MUC15: variants seen among roughly 807,000 people sequenced by gnomAD.
The protein encoded by MUC15 is mucin 15, cell surface associated.
A neutral mutation model predicts 24.0 loss-of-function variants in MUC15; 23 were observed. The ratio of observed to expected loss-of-function variants is 0.96; its 90% CI spans 0.69 to 1.36. The LOEUF (loss-of-function observed/expected upper bound fraction) is 1.36, where lower values mean the gene tolerates loss of function less well. Ranked by LOEUF, MUC15 falls within the 40% of genes most tolerant of loss-of-function variation. MUC15 has a pLI of 0.00. For missense variants in MUC15, 442 were observed against 428.2 expected, an observed-to-expected ratio of 1.03 and a Z score of -0.29; for synonymous variants, 151 against 156.3, an observed-to-expected ratio of 0.97 and a Z score of 0.25.
chr11:26,559,630 A>G lies in MUC15; in HGVS notation c.*1435T>C. The G allele has an allele frequency of 1.1e-6, 1 of 891,522 alleles. No individual in the cohort carries two copies. Among genetic ancestry groups the G allele is most frequent in the African/African-American group, 1.7e-5 (1 of 60,530 alleles). The allele number at this position is 891,522 out of a possible 1,614,324, so 55.2% of individuals were successfully genotyped here. ...TAAAATAATATGATTCTATTTGAGA[A>G]AAAATCATAGTACCTGAGTGCAAAC... is the stretch of plus-strand genomic sequence containing the variant. On this transcript the variant is annotated 3_prime_UTR_variant, in exon 5 of 5. Coordinates refer to ENST00000529533, the MANE Select transcript of MUC15 (RefSeq NM_001135091.2).
intron 4 of MUC15, 38 bp downstream of exon 4, chr11:26,563,078 C>T (rs444178): frequency 1.3e-6 from 2 of 1,599,474 alleles, no homozygotes; most frequent in Non-Finnish European, 1.7e-6. Flanking sequence ...TTAATTAAAA[C>T]CACTGTGCCC....
Position 26,565,209 on chromosome 11 carries a change from G to A in MUC15, c.731C>T (p.Thr244Ile), listed in dbSNP as rs768017367. The change falls in exon 3 of 5, where the codon ACC becomes ATC. Residue 244 changes from threonine to isoleucine, a missense_variant. Thr to Ile is a moderately conservative substitution (Grantham distance 89, BLOSUM62 -1). Coordinates refer to ENST00000529533, the MANE Select transcript of MUC15 (RefSeq NM_001135091.2). ...KTTLQPTLKF[T>I]NNSKLFPNTS... Reference sequence around the variant, plus strand: ...ATTTGGAAAGAGTTTTGAATTATTGGTGAATTTTAAGGTAGGCTGTAGAGT... The same window carrying A: ...ATTTGGAAAGAGTTTTGAATTATTGATGAATTTTAAGGTAGGCTGTAGAGT... The A allele has an allele frequency of 1.3e-5, 20 of 1,509,214 alleles. No homozygotes were observed. Among genetic ancestry groups the A allele is most frequent in the Non-Finnish European group, 1.6e-5 (18 of 1,128,492 alleles). The allele number at this position is 1,509,214 out of a possible 1,614,324, so 93.5% of individuals were successfully genotyped here. A position where few individuals can be genotyped will look rare whatever the true frequency, so the allele number is the denominator to read the frequency against.
intron 1 of MUC15, among the ~76,000 whole-genome samples, chr11:26,569,953 C>G (rs1850754319): frequency 6.6e-6 from 1 of 152,038 alleles, no homozygotes; most frequent in South Asian, 2.1e-4. Flanking sequence ...CTTTTTGCAT[C>G]TGGGTGGTAG....
At position 26,563,144 on chromosome 11, in the gene MUC15, C is replaced by T; in HGVS notation, c.897G>A (p.Arg299=). 6.2e-7 allele frequency: 1 copy of T among 1,611,994 alleles called. No homozygotes were observed. Among genetic ancestry groups the T allele is most frequent in the South Asian group, 1.1e-5 (1 of 90,946 alleles). Residue 299 remains arginine (R), a synonymous_variant, in exon 4 of 5, where the codon CGG becomes CGA. Transcript: ENST00000529533. ...GTTCATTTCTGTCGTCATAAAGTCG[C>T]CGATGGGAAAATGAATCCGTTTTCC... is the stretch of plus-strand genomic sequence containing the variant. The part of the protein sequence containing the change: ...GKRKTDSFSH[R]RLYDDRNEPV...
chr11:26,563,214 C>T lies in MUC15; in HGVS notation c.827G>A (p.Gly276Asp), dbSNP rs1475211916. ...VFGAILGAIL[G>D]VSLLTLVGYL... ...GCCCACAAGAGTAAGCAATGAGACA[C>T]CCAGAATAGCACCTAAAATGGCCCC... is the stretch of plus-strand genomic sequence containing the variant. The change falls in exon 4 of 5, where the codon GGT becomes GAT. Residue 276 changes from glycine (G) to aspartate (D), a missense_variant. Coordinates refer to ENST00000529533, the MANE Select transcript of MUC15 (RefSeq NM_001135091.2). The T allele has an allele frequency of 6.2e-7, 1 of 1,611,954 alleles. No individual in the cohort carries two copies. Among genetic ancestry groups the T allele is most frequent in the Non-Finnish European group, 8.5e-7 (1 of 1,178,686 alleles).
At chr11:26,569,981 G>A (rs553258564) in intron 1 of MUC15, among the ~76,000 whole-genome samples, 2 of 152,086 alleles carry the variant, frequency 1.3e-5, no homozygotes, top group South Asian at 4.1e-4. Flanking sequence ...GAGAAATTTT[G>A]AAGTTATAAA....
chr11:26,568,220 T>C (rs1386414466), intron 1 of MUC15, among the ~76,000 whole-genome samples: 1 of 152,060 alleles, frequency 6.6e-6, no homozygotes, highest in Non-Finnish European at 1.5e-5. Context: ...ATATTTTCCA[T>C]TTAATGCTAA....
intron 1 of MUC15, among the ~76,000 whole-genome samples, chr11:26,570,134 T>G (rs1445284190): frequency 6.6e-6 from 1 of 152,034 alleles, no homozygotes; most frequent in Non-Finnish European, 1.5e-5. Flanking sequence ...ATATTAACAT[T>G]TTTTTTGTTT....
rs935248599 is a variant in MUC15 at position 26,559,535 on chromosome 11, C to T, written c.*1530G>A. On this transcript the variant is annotated 3_prime_UTR_variant, in exon 5 of 5. Transcript: ENST00000529533. ...GCTAATGTTGTTTCTTCACCTCTCC[C>T]CATGAGAAAAATCATGTGAAATTGT... 4.1e-5 allele frequency: 23 copies of T among 567,216 alleles called. No homozygotes were observed. The South Asian group carries it at 4.9e-4, about 12-fold the overall frequency. 35.1% of individuals were successfully genotyped at this position (567,216 alleles called of 1,614,324 possible). A position where few individuals can be genotyped will look rare whatever the true frequency, so the allele number is the denominator to read the frequency against.
chr11:26,565,214 TTTTAAGG>T lies in MUC15; in HGVS notation c.719_725del (p.Thr240AsnfsTer24). On this transcript the variant is annotated frameshift_variant, in exon 3 of 5. Coordinates refer to ENST00000529533, the MANE Select transcript of MUC15 (RefSeq NM_001135091.2). LOFTEE classifies it high-confidence loss of function. ...GAAAGAGTTTTGAATTATTGGTGAATTTTAAGGTAGGCTGTAGAGTTGTTTTTTCTTG... is the reference window on the plus strand; with the variant it reads ...GAAAGAGTTTTGAATTATTGGTGAATTAGGCTGTAGAGTTGTTTTTTCTTG... The T allele has an allele frequency of 2.0e-6, 3 of 1,515,518 alleles. No individual in the cohort carries two copies. Among genetic ancestry groups the T allele is most frequent in the Non-Finnish European group, 2.7e-6 (3 of 1,131,862 alleles). The allele number at this position is 1,515,518 out of a possible 1,614,324, so 93.9% of individuals were successfully genotyped here.
chr11:26,563,395 C>CTGTGTGTGTGTGTGTG lies in MUC15; in HGVS notation c.776-146_776-131dup, dbSNP rs71047867. 67 of 540,108 alleles carry CTGTGTGTGTGTGTGTG rather than the reference C, an allele frequency of 1.2e-4. No individual in the cohort carries two copies. The Admixed American group carries it at 1.9e-3, about 16-fold the overall frequency. The allele number at this position is 540,108 out of a possible 1,614,324, so 33.5% of individuals were successfully genotyped here. A position where few individuals can be genotyped will look rare whatever the true frequency, so the allele number is the denominator to read the frequency against. ...ATTAGATAATGGTGTGTTTCTCTCTCTGTGTGTGTGTGTGTGTGTGTGTGT... is the reference window on the plus strand; with the variant it reads ...ATTAGATAATGGTGTGTTTCTCTCTCTGTGTGTGTGTGTGTGTGTGTGTGTGTGTGTGTGTGTGTGT... On this transcript the variant is annotated intron_variant, in intron 3 of 4. Coordinates refer to ENST00000529533, the MANE Select transcript of MUC15 (RefSeq NM_001135091.2).
intron 1 of MUC15, among the ~76,000 whole-genome samples, chr11:26,570,810 A>C (rs187421047): frequency 3.3e-5 from 5 of 152,222 alleles, no homozygotes; most frequent in Admixed American, 3.3e-4. Flanking sequence ...AATGTTGGAC[A>C]GTATTTTTAG....
At chr11:26,564,413 T>C (rs1360709836) in intron 3 of MUC15, among the ~76,000 whole-genome samples, 1 of 123,190 alleles carries the variant, frequency 8.1e-6, no homozygotes, top group Non-Finnish European at 1.7e-5. Context: ...AAGTGAGTTC[T>C]TGGAGGAAAA....
rs562526553 is a variant in MUC15, at chr11:26,569,607, A to G, written c.-46+2434T>C. ...CGAAGTTTGACCTCATGCCAACTGA[A>G]CAAAGCACATTGCAAGTGACAGAAG... On this transcript the variant is annotated intron_variant, in intron 1 of 4. Coordinates refer to ENST00000529533, the MANE Select transcript of MUC15 (RefSeq NM_001135091.2). Among the ~76,000 whole-genome samples the G allele has an allele frequency of 2.6e-5, 4 of 152,218 alleles. No individual in the cohort carries two copies. In the South Asian group the frequency reaches 8.3e-4, roughly 32 times the overall value.
chr11:26,565,897 C>A lies in MUC15; in HGVS notation c.44-1G>T. On this transcript the variant is annotated splice_acceptor_variant, in intron 2 of 4. Coordinates refer to ENST00000529533, the MANE Select transcript of MUC15 (RefSeq NM_001135091.2). LOFTEE classifies it high-confidence loss of function. ...GGTATTGGTTTTTTTTTAAAGGAAT[C>A]TGAAAGAAAATAACCATAATTTGAA... 6.4e-7 allele frequency: 1 copy of A among 1,568,836 alleles called. No individual in the cohort carries two copies. The highest frequency in any genetic ancestry group is 8.6e-7 in the Non-Finnish European group (1 of 1,166,018).
chr11:26,563,819 T>C (rs1222055093), intron 3 of MUC15, among the ~76,000 whole-genome samples: 1 of 151,868 alleles, frequency 6.6e-6, no homozygotes, highest in Non-Finnish European at 1.5e-5. Flanking sequence ...TTCAGTGCCT[T>C]GCATATCAAG....
At position 26,572,203 on chromosome 11, in the gene MUC15, T is replaced by C. The variant is rs1850855950; in HGVS notation, c.-208A>G. ...ACAAAATTAGGTGGGGCTGGCTGTA[T>C]CTTGCTTGTGTAACAGAGCGCCCAG... is the stretch of plus-strand genomic sequence containing the variant. On this transcript the variant is annotated 5_prime_UTR_variant, in exon 1 of 5. Transcript: ENST00000529533. 2.0e-6 allele frequency: 2 copies of C among 985,320 alleles called. No homozygotes were observed. Among genetic ancestry groups the C allele is most frequent in the East Asian group, 2.3e-4 (2 of 8,806 alleles). 61.0% of individuals were successfully genotyped at this position (985,320 alleles called of 1,614,324 possible).
chr11:26,559,724 A>G lies in MUC15; in HGVS notation c.*1341T>C, dbSNP rs778610252. The G allele has an allele frequency of 4.3e-6, 7 of 1,611,054 alleles. No homozygotes were observed. Among genetic ancestry groups the G allele is most frequent in the Non-Finnish European group, 5.1e-6 (6 of 1,177,650 alleles). On this transcript the variant is annotated 3_prime_UTR_variant, in exon 5 of 5. Coordinates refer to ENST00000529533, the MANE Select transcript of MUC15 (RefSeq NM_001135091.2). The stretch of plus-strand genomic sequence containing the variant: ...TCTGTTTGTTTTCTACTCAGGTGAC[A>G]TATTTGTTCGATAATGGAGGGACAG...
At position 26,561,087 on chromosome 11, in the gene MUC15, G is replaced by C. The variant is rs772239902; in HGVS notation, c.1064C>G (p.Pro355Arg). 3 of 1,611,068 alleles carry C rather than the reference G, an allele frequency of 1.9e-6. 1 individual carries two copies. In the South Asian group the frequency reaches 3.3e-5, roughly 18 times the overall value. ...ARDGIPMDDI[P>R]PLRTSV ...GTTCTATACAGAAGTACGAAGTGGA[G>C]GTATGTCATCCATAGGAATGCCATC... Residue 355 changes from proline to arginine, a missense_variant, in exon 5 of 5, where the codon CCT becomes CGT. Physicochemically the swap from Pro to Arg is moderately radical, Grantham distance 103. Coordinates refer to ENST00000529533, the MANE Select transcript of MUC15 (RefSeq NM_001135091.2).
Sources: gnomAD v4.1 joint callset for allele counts (sites outside exome capture counted in the v4.1 genomes callset) on GRCh38, gnomAD v4.1.1 for gene constraint, MANE v1.5 for transcripts, NCBI Gene and HGNC (gene_info 2026-07-23, HGNC 2026-07-21) for gene names.